Variants in CHODL observed in about 807,000 individuals in gnomAD.
CHODL encodes chondrolectin, also known as transmembrane protein MT75.
In CHODL, 29 loss-of-function variants were observed where a neutral mutation model predicts 34.5. That is an observed-to-expected ratio of 0.84 (90% CI 0.63 to 1.15). The LOEUF (loss-of-function observed/expected upper bound fraction) is 1.15, where lower values mean the gene tolerates loss of function less well. CHODL is among the 50% of genes most tolerant of loss of function. CHODL has a pLI of 0.00. For missense variants in CHODL, 332 were observed against 332.5 expected, an observed-to-expected ratio of 1.00 and a Z score of 0.01; for synonymous variants, 125 against 116.1, an observed-to-expected ratio of 1.08 and a Z score of -0.49.
At chr21:17,985,723 G>C (rs2146381109) in intron 1 of CHODL, among the ~76,000 whole-genome samples, 1 of 152,232 alleles carries the variant, frequency 6.6e-6, no homozygotes, top group Middle Eastern at 3.4e-3. Flanking sequence ...TTTGGGTTAA[G>C]GTGCTCTCTT....
At position 18,195,868 on chromosome 21, in the gene CHODL, C is replaced by A. The variant is rs527892409; in HGVS notation, c.-44-60641C>A. ...TAAATAAATCAGTCTTTTTTTATGG[C>A]CACACTAATGAAAATACAGATTGTT... On this transcript the variant is annotated intron_variant, in intron 2 of 6. Coordinates refer to the CHODL transcript ENST00000400127. 3.9e-5 allele frequency among the ~76,000 whole-genome samples: 6 copies of A among 152,194 alleles called. No homozygotes were observed. The South Asian group carries it at 1.2e-3, about 32-fold the overall frequency.
chr21:18,243,218 T>C (rs2074098736), upstream of CHODL, among the ~76,000 whole-genome samples: 1 of 152,234 alleles, frequency 6.6e-6, no homozygotes. Flanking sequence ...GTTATTATTT[T>C]ATTTCTTTCT....
intron 2 of CHODL, among the ~76,000 whole-genome samples, chr21:18,121,292 AAAG>A (rs372259895): frequency 1.1e-4 from 17 of 152,338 alleles, no homozygotes; most frequent in African/African-American, 4.1e-4. Context: ...GATGAGCTAA[AAAG>A]AAAATCACGA....
At chr21:17,963,075 ATAATAATAAT>A (rs1360587800) in intron 1 of CHODL, among the ~76,000 whole-genome samples, 81 of 106,818 alleles carry the variant, frequency 7.6e-4, no homozygotes, top group African/African-American at 2.5e-3. Flanking sequence ...AAAAAAAAAA[ATAATAATAAT>A]AATAATAATA....
intron 1 of CHODL, among the ~76,000 whole-genome samples, chr21:17,945,496 TAATC>T (rs1313806519): frequency 1.3e-5 from 2 of 152,074 alleles, no homozygotes; most frequent in Non-Finnish European, 2.9e-5. Context: ...ACAGCAGAAT[TAATC>T]AGGTGGAAAA....
chr21:18,247,763 A>C lies in CHODL; in HGVS notation c.79+2461A>C, dbSNP rs148136982. ...ATTTGGAAACTACCTTTAGGAGCTT[A>C]GACCTGTACTGATTTCTTACTACAC... On this transcript the variant is annotated intron_variant, in intron 1 of 5. Coordinates refer to ENST00000299295, the MANE Select transcript of CHODL (RefSeq NM_024944.3). 7.1e-3 allele frequency among the ~76,000 whole-genome samples: 1,074 copies of C among 152,234 alleles called. 9 individuals carry two copies. Among genetic ancestry groups the C allele is most frequent in the Admixed American group, 9.2e-3 (140 of 15,298 alleles).
chr21:18,053,141 C>T (rs1222986365), intron 2 of CHODL, among the ~76,000 whole-genome samples: 1 of 151,570 alleles, frequency 6.6e-6, no homozygotes, highest in Non-Finnish European at 1.5e-5. Flanking sequence ...AGGAAGAGAC[C>T]AATTCTGAAG....
chr21:17,944,807 T>A (rs28571580), intron 1 of CHODL, among the ~76,000 whole-genome samples: 10,091 of 152,232 alleles, frequency 0.066, 903 homozygotes, highest in African/African-American at 0.2. Context: ...TAAAACATTA[T>A]CCCTTCCAAA....
intron 1 of CHODL, among the ~76,000 whole-genome samples, chr21:17,977,449 T>TCCG (rs1259244138): frequency 6.8e-6 from 1 of 147,464 alleles, no homozygotes; most frequent in Admixed American, 6.8e-5. Context: ...CACTGCAACC[T>TCCG]CCGCCTTCGG....
intron 2 of CHODL, among the ~76,000 whole-genome samples, chr21:18,199,112 A>AT (rs1183433862): frequency 6.6e-6 from 1 of 152,140 alleles, no homozygotes; most frequent in Non-Finnish European, 1.5e-5. Flanking sequence ...TAGTTCTCAA[A>AT]TAACAGATTT....
intron 2 of CHODL, among the ~76,000 whole-genome samples, chr21:18,142,220 G>GGAGAGA (rs10629940): frequency 0.081 from 12,265 of 152,032 alleles, 1,456 homozygotes; most frequent in African/African-American, 0.26. Flanking sequence ...CATTGTCCCG[G>GGAGAGA]GAGAGAGATG....
chr21:18,254,881 C>G (rs1488335993), intron 1 of CHODL, among the ~76,000 whole-genome samples: 1 of 151,294 alleles, frequency 6.6e-6, no homozygotes, highest in African/African-American at 2.4e-5. Flanking sequence ...ATTTTTTTTT[C>G]AAACTCTTTT....
At chr21:18,264,040 A>G (rs1014389750) in intron 5 of CHODL, among the ~76,000 whole-genome samples, 10 of 152,152 alleles carry the variant, frequency 6.6e-5, no homozygotes, top group African/African-American at 2.4e-4. Context: ...CAAACCATAC[A>G]ATTTGGACAT....
intron 2 of CHODL, among the ~76,000 whole-genome samples, chr21:18,173,751 A>G (rs2073259380): frequency 6.6e-6 from 1 of 152,212 alleles, no homozygotes; most frequent in South Asian, 2.1e-4. Context: ...AAATATTTAT[A>G]TTGTTAATAC....
chr21:18,022,605 A>C (rs1431913145), intron 1 of CHODL, among the ~76,000 whole-genome samples: 1 of 152,194 alleles, frequency 6.6e-6, no homozygotes, highest in Non-Finnish European at 1.5e-5. Context: ...AAAAATAGGC[A>C]TTAGGGAGTC....
In CHODL at chr21:18,204,014, A is replaced by G. The variant is rs532140299; in HGVS notation, c.-44-52495A>G. Among the ~76,000 whole-genome samples, 6 of 152,278 alleles carry G rather than the reference A, an allele frequency of 3.9e-5. No homozygotes were observed. The East Asian group carries it at 1.2e-3, about 29-fold the overall frequency. On this transcript the variant is annotated intron_variant, in intron 2 of 6. Coordinates refer to the CHODL transcript ENST00000400127. Reference sequence around the variant, plus strand: ...TCTTTATATGCTAAAATAACCTAACATAGTGTCTTTTATTACCTAACATCT... The same window carrying G: ...TCTTTATATGCTAAAATAACCTAACGTAGTGTCTTTTATTACCTAACATCT...
At chr21:17,947,123 T>C (rs981016136) in intron 1 of CHODL, among the ~76,000 whole-genome samples, 1 of 152,118 alleles carries the variant, frequency 6.6e-6, no homozygotes, top group South Asian at 2.1e-4. Flanking sequence ...AAATAAGTCT[T>C]AACAAATTTA....
rs543313857 is a variant in CHODL, at chr21:18,129,170, T to C, written c.-45+101199T>C. Among the ~76,000 whole-genome samples, 5 of 152,290 alleles carry C rather than the reference T, an allele frequency of 3.3e-5. No homozygotes were observed. The Middle Eastern group carries it at 0.01, about 311-fold the overall frequency. On this transcript the variant is annotated intron_variant, in intron 2 of 6. Transcript: ENST00000400127. ...ATGATAAAAATGATGATGGGTTATT[T>C]TAATGAAGTTCTACCATATAAAACA...
chr21:18,106,296 A>G (rs774346454), intron 2 of CHODL, among the ~76,000 whole-genome samples: 15 of 152,106 alleles, frequency 9.9e-5, no homozygotes, highest in Non-Finnish European at 2.2e-4. Context: ...TAAAAAACAG[A>G]CAGTACCCTT....
Sources: gnomAD v4.1 joint callset for allele counts (sites outside exome capture counted in the v4.1 genomes callset) on GRCh38, gnomAD v4.1.1 for gene constraint, MANE v1.5 for transcripts, NCBI Gene and HGNC (gene_info 2026-07-23, HGNC 2026-07-21) for gene names.